Variants in SLC51A observed in about 807,000 individuals in gnomAD.
SLC51A encodes the protein organic solute transporter subunit alpha.
A neutral mutation model predicts 34.8 loss-of-function variants in SLC51A; 22 were observed. The observed-to-expected ratio is 0.63, with a 90% CI of 0.45 to 0.90. The LOEUF is 0.90. Among genes scored for constraint, SLC51A ranks in the 40% least tolerant of loss-of-function variants. The pLI is 0.00. For missense variants in SLC51A, 371 were observed against 414.8 expected (o/e 0.89, Z 0.92); for synonymous variants, 181 against 176.3 (o/e 1.03, Z -0.21).
At chr3:196,226,920 C>T in intron 2 of SLC51A, 45 bp from the exon 3 acceptor site, 5 of 1,562,166 alleles carry the variant, frequency 3.2e-6, no homozygotes, top group South Asian at 1.2e-5. Context: ...CAGGCCTTCT[C>T]CCGCTCAGTC....
rs1359411699 is a variant in SLC51A, at chr3:196,227,024, A to C, written c.193A>C (p.Ile65Leu). ...SILTLLALGS[I>L]AIFLEDAVYL... The stretch of plus-strand genomic sequence containing the variant: ...CCTGACCTTGCTGGCGCTGGGCTCC[A>C]TTGCCATCTTCCTGGAGGATGCCGT... The change falls in exon 3 of 9, where the codon ATT becomes CTT. Residue 65 changes from isoleucine (I) to leucine (L), a missense_variant. By Grantham distance (5) the Ile-to-Leu change is conservative. Coordinates refer to ENST00000296327, the MANE Select transcript of SLC51A (RefSeq NM_152672.6). 2 of 1,613,916 alleles carry C rather than the reference A, an allele frequency of 1.2e-6. No individual in the cohort carries two copies. The highest frequency in any genetic ancestry group is 1.7e-5 in the Admixed American group (1 of 59,992).
chr3:196,219,678 C>T (rs1396280474), intron 2 of SLC51A, among the ~76,000 whole-genome samples: 1 of 152,222 alleles, frequency 6.6e-6, no homozygotes, highest in African/African-American at 2.4e-5. Flanking sequence ...CCTTCCCTTA[C>T]ACAGCAGCTG....
intron 6 of SLC51A, 94 bp downstream of exon 6, chr3:196,229,014 G>C (rs1270364724): frequency 6.5e-6 from 7 of 1,077,478 alleles, no homozygotes; most frequent in Non-Finnish European, 9.9e-6. Flanking sequence ...CTTGACAGAG[G>C]GCCCCAGAAA....
Position 196,232,433 on chromosome 3 carries a change from G to T in SLC51A, c.795G>T (p.Leu265=). The T allele has an allele frequency of 6.2e-7, 1 of 1,614,014 alleles. No homozygotes were observed. Among genetic ancestry groups the T allele is most frequent in the South Asian group, 1.1e-5 (1 of 91,070 alleles). ...ATGTTCCGCAGGTTCTCCTCATCCT[G>T]ACTGCCCTACAGCCCTCCATCTTCT... ...KFALFQVLLI[L]TALQPSIFSV... Residue 265 remains leucine, a synonymous_variant, in exon 8 of 9, where the codon CTG becomes CTT. Transcript: ENST00000296327.
At chr3:196,224,405 C>T (rs886396582) in intron 2 of SLC51A, among the ~76,000 whole-genome samples, 16 of 146,592 alleles carry the variant, frequency 1.1e-4, no homozygotes, top group African/African-American at 2.0e-4. Flanking sequence ...AGTAGAAACG[C>T]GGTTGTCGGC....
At chr3:196,223,304 C>T (rs762278571) in intron 2 of SLC51A, among the ~76,000 whole-genome samples, 6 of 151,928 alleles carry the variant, frequency 3.9e-5, no homozygotes, top group East Asian at 1.9e-4. Flanking sequence ...GTTACTCCTC[C>T]GGGCGTTTGA....
At position 196,217,891 on chromosome 3, in the gene SLC51A, T is replaced by A. The variant is rs377579251; in HGVS notation, c.88T>A (p.Ser30Thr). ...EVLKTNYGIP[S>T]ACFSQPPTAA... is the part of the protein sequence containing the mutation. Reference sequence around the variant, plus strand: ...GCTGAAGACCAATTACGGCATCCCCTCCGCCTGCTTCTCTCAGCCTCCCAC... The same window carrying A: ...GCTGAAGACCAATTACGGCATCCCCACCGCCTGCTTCTCTCAGCCTCCCAC... The change falls in exon 2 of 9, where the codon TCC becomes ACC. Residue 30 changes from serine to threonine, a missense_variant. Ser to Thr is a moderately conservative substitution (Grantham distance 58). Coordinates refer to ENST00000296327, the MANE Select transcript of SLC51A (RefSeq NM_152672.6). 9 of 1,613,362 alleles carry A rather than the reference T, an allele frequency of 5.6e-6. No homozygotes were observed. The highest frequency in any genetic ancestry group is 1.3e-5 in the African/African-American group (1 of 74,872).
At chr3:196,224,713 TG>T (rs1397766051) in intron 2 of SLC51A, among the ~76,000 whole-genome samples, 13,455 of 49,398 alleles carry the variant, frequency 0.27, 1,733 homozygotes, top group East Asian at 0.74. Context: ...GGGGAGGAGA[TG>T]GGAGGGGAGG....
intron 2 of SLC51A, among the ~76,000 whole-genome samples, chr3:196,226,067 A>G (rs923392187): frequency 6.6e-6 from 1 of 152,162 alleles, no homozygotes; most frequent in African/African-American, 2.4e-5. Context: ...CTGTAATCCC[A>G]GCACTTTGGG....
At chr3:196,232,394 C>G (rs746014110) in intron 7 of SLC51A, 25 bp from the exon 8 acceptor site, 16 of 1,590,854 alleles carry the variant, frequency 1.0e-5, no homozygotes, top group Admixed American at 3.3e-5. Context: ...CCAGTCCACC[C>G]TTGCCTCTCT....
chr3:196,229,799 G>A, intron 6 of SLC51A, 116 bp from the exon 7 acceptor site: 1 of 1,231,530 alleles, frequency 8.1e-7, no homozygotes, highest in East Asian at 2.6e-5. Flanking sequence ...GCTGCAGTGA[G>A]CTATCATTGC....
At chr3:196,224,319 A>G (rs1261842187) in intron 2 of SLC51A, among the ~76,000 whole-genome samples, 1 of 151,810 alleles carries the variant, frequency 6.6e-6, no homozygotes, top group Non-Finnish European at 1.5e-5. Context: ...TTATAAATAC[A>G]TATTCATTAT....
At position 196,228,618 on chromosome 3, in the gene SLC51A, G is replaced by T. The variant is rs1429646842; in HGVS notation, c.522-191G>T. The stretch of plus-strand genomic sequence containing the variant: ...CCAAAGACGGAATTCTTGTCTGGAG[G>T]TGAGTGGGAGACCAAGAGGGTTCCC... On this transcript the variant is annotated intron_variant, in intron 5 of 8. Transcript: ENST00000296327. The surrounding 1 kb of genome is among the most constrained non-coding windows in gnomAD (Gnocchi z 4.9). 1.6e-6 allele frequency: 1 copy of T among 614,606 alleles called. No individual in the cohort carries two copies. The highest frequency in any genetic ancestry group is 2.9e-6 in the Non-Finnish European group (1 of 344,878). 38.1% of individuals were successfully genotyped at this position (614,606 alleles called of 1,614,324 possible). A position where few individuals can be genotyped will look rare whatever the true frequency, so the allele number is the denominator to read the frequency against.
At chr3:196,219,487 C>G (rs1723686532) in intron 2 of SLC51A, among the ~76,000 whole-genome samples, 1 of 152,256 alleles carries the variant, frequency 6.6e-6, no homozygotes, top group South Asian at 2.1e-4. Flanking sequence ...CGTTCTGTTG[C>G]AGACGTGGGC....
intron 7 of SLC51A, among the ~76,000 whole-genome samples, chr3:196,230,764 G>A (rs1409160735): frequency 6.6e-6 from 1 of 152,220 alleles, no homozygotes; most frequent in Admixed American, 6.5e-5. Context: ...GATTATAGGC[G>A]TGAGCCACTG....
intron 2 of SLC51A, among the ~76,000 whole-genome samples, chr3:196,222,400 C>T (rs1459992977): frequency 1.3e-5 from 2 of 151,338 alleles, no homozygotes; most frequent in Non-Finnish European, 1.5e-5. Flanking sequence ...TTTGGGAGGC[C>T]GAGGCGGGTG....
At chr3:196,219,499 T>C (rs1326808745) in intron 2 of SLC51A, among the ~76,000 whole-genome samples, 1 of 152,236 alleles carries the variant, frequency 6.6e-6, no homozygotes, top group African/African-American at 2.4e-5. Flanking sequence ...GACGTGGGCG[T>C]GTCCTTGGGC....
Position 196,219,096 on chromosome 3 carries a change from G to C in SLC51A, c.133+1160G>C, listed in dbSNP as rs574145671. Among the ~76,000 whole-genome samples the C allele has an allele frequency of 5.1e-3, 770 of 152,170 alleles. 6 individuals are homozygous for C. The highest frequency in any genetic ancestry group is 0.018 in the African/African-American group (730 of 41,500). ...CAAAAATTAGCCAGGCGTGGTGGCG[G>C]GCACCTGTAATCCCAGCTACTCGGG... On this transcript the variant is annotated intron_variant, in intron 2 of 8. Transcript: ENST00000296327.
At chr3:196,222,803 A>G (rs1291748158) in intron 2 of SLC51A, among the ~76,000 whole-genome samples, 1 of 151,750 alleles carries the variant, frequency 6.6e-6, no homozygotes. Flanking sequence ...CTTTTGTCCC[A>G]TAGTGTCTAT....
Sources: allele counts gnomAD v4.1 joint callset (sites outside exome capture counted in the v4.1 genomes callset), GRCh38; gene constraint gnomAD v4.1.1; non-coding constraint Gnocchi (gnomAD v3.1); transcripts MANE v1.5; gene names NCBI Gene and HGNC (gene_info 2026-07-23, HGNC 2026-07-21).